PTK2: variants seen among roughly 807,000 people sequenced by gnomAD.
PTK2 encodes protein tyrosine kinase 2.
A neutral mutation model predicts 150.1 loss-of-function variants in PTK2; 45 were observed. The ratio of observed to expected loss-of-function variants is 0.30; its 90% CI spans 0.24 to 0.38. The LOEUF (loss-of-function observed/expected upper bound fraction) is 0.38, where lower values mean the gene tolerates loss of function less well. Among genes scored for constraint, PTK2 ranks in the 10% least tolerant of loss-of-function variants. PTK2 has a pLI of 1.00. For missense variants in PTK2, 919 were observed against 1,307.3 expected (o/e 0.70, Z 4.58); for synonymous variants, 432 against 449.2 (o/e 0.96, Z 0.48).
chr8:141,000,703 T>A (rs2100199833), intron 1 of PTK2, among the ~76,000 whole-genome samples: 1 of 88,840 alleles, frequency 1.1e-5, no homozygotes, highest in Admixed American at 1.3e-4. Flanking sequence ...TCTCCCGGAC[T>A]CCCCACGTCC....
At chr8:140,820,202 C>T (rs576539644) in intron 8 of PTK2, among the ~76,000 whole-genome samples, 5 of 146,432 alleles carry the variant, frequency 3.4e-5, no homozygotes, top group African/African-American at 7.5e-5. Context: ...CAGGCTCAAG[C>T]GATTCTCCTG....
chr8:140,978,250 C>T (rs760958202), intron 1 of PTK2, among the ~76,000 whole-genome samples: 72 of 152,284 alleles, frequency 4.7e-4, no homozygotes, highest in African/African-American at 1.4e-3. Flanking sequence ...AAAGCCAAAA[C>T]AGACAAATGG....
chr8:140,886,039 A>C (rs1285536144), intron 3 of PTK2, among the ~76,000 whole-genome samples: 4 of 152,164 alleles, frequency 2.6e-5, no homozygotes, highest in Admixed American at 2.6e-4. Context: ...ACTGAAGAAG[A>C]GCTCAAAGAA....
intron 7 of PTK2, among the ~76,000 whole-genome samples, chr8:140,844,977 T>C (rs768563529): frequency 2.6e-5 from 4 of 152,114 alleles, no homozygotes; most frequent in Non-Finnish European, 5.9e-5. Context: ...AGAGACTCCT[T>C]GGGTTCCTCC....
intron 14 of PTK2, chr8:140,764,553 C>G (rs878887658): frequency 2.1e-6 from 1 of 484,330 alleles, no homozygotes; most frequent in Non-Finnish European, 3.6e-6. Context: ...AAAAACAGAA[C>G]GACATGAAAC....
intron 1 of PTK2, among the ~76,000 whole-genome samples, chr8:140,933,186 T>C (rs1293120965): frequency 2.8e-4 from 9 of 32,098 alleles, no homozygotes; most frequent in Non-Finnish European, 5.5e-4. Context: ...CTAACAACAG[T>C]AATGAAAAAA....
chr8:140,790,106 C>T (rs2100087610), intron 13 of PTK2, among the ~76,000 whole-genome samples: 2 of 152,048 alleles, frequency 1.3e-5, no homozygotes, highest in South Asian at 4.1e-4. Flanking sequence ...AAAATTTTGG[C>T]CAAAAGTCTT....
intron 1 of PTK2, among the ~76,000 whole-genome samples, chr8:140,947,183 A>G (rs1254283424): frequency 6.6e-6 from 1 of 151,986 alleles, no homozygotes; most frequent in Non-Finnish European, 1.5e-5. Context: ...CCCTATTTCA[A>G]ACCTCCTCCA....
In PTK2 at chr8:140,870,533, AC is replaced by A. The variant is rs371917692; in HGVS notation, c.363-6135del. 3.9e-3 allele frequency among the ~76,000 whole-genome samples: 592 copies of A among 152,350 alleles called. 4 individuals are homozygous for A. The highest frequency in any genetic ancestry group is 0.013 in the African/African-American group (540 of 41,586). On this transcript the variant is annotated intron_variant, in intron 4 of 31. Transcript: ENST00000522684. ...TAAGAATTAACTTAGTAAAGATGACACAAAGGCTTTGCAGAGAAGACATCAG... is the reference window on the plus strand; with the variant it reads ...TAAGAATTAACTTAGTAAAGATGACAAAAGGCTTTGCAGAGAAGACATCAG...
At chr8:140,853,155 GTC>G (rs1440256968) in intron 5 of PTK2, among the ~76,000 whole-genome samples, 1 of 151,546 alleles carries the variant, frequency 6.6e-6, no homozygotes, top group Non-Finnish European at 1.5e-5. Context: ...TCAGGCCAGA[GTC>G]TCTGCTTGGC....
chr8:140,773,667 T>C (rs1183908920), intron 14 of PTK2, among the ~76,000 whole-genome samples: 1 of 152,098 alleles, frequency 6.6e-6, no homozygotes, highest in East Asian at 1.9e-4. Flanking sequence ...GAGGTGGCAC[T>C]GAGATGCACT....
At chr8:140,969,097 T>C (rs1003012539) in intron 1 of PTK2, among the ~76,000 whole-genome samples, 53 of 152,216 alleles carry the variant, frequency 3.5e-4, no homozygotes, top group African/African-American at 1.1e-3. Flanking sequence ...CAGAAGCTAT[T>C]TGAGGACTCT....
intron 8 of PTK2, among the ~76,000 whole-genome samples, chr8:140,819,621 A>G: frequency 6.6e-6 from 1 of 152,230 alleles, no homozygotes. Flanking sequence ...TGGAGAACTA[A>G]TCTACTGGCA....
intron 21 of PTK2, among the ~76,000 whole-genome samples, chr8:140,736,261 T>C (rs1237679123): frequency 6.6e-6 from 1 of 152,232 alleles, no homozygotes; most frequent in Non-Finnish European, 1.5e-5. Flanking sequence ...CAAAGTGCAT[T>C]AATGCAGAAA....
chr8:140,804,593 A>G (rs2100097250), intron 10 of PTK2, among the ~76,000 whole-genome samples: 1 of 152,204 alleles, frequency 6.6e-6, no homozygotes, highest in Non-Finnish European at 1.5e-5. Flanking sequence ...GCATCTCATG[A>G]GGATGATCAT....
chr8:140,752,127 G>T, intron 17 of PTK2, 105 bp downstream of exon 20: 1 of 938,090 alleles, frequency 1.1e-6, no homozygotes, highest in Non-Finnish European at 1.7e-6. Flanking sequence ...AAACATAGTT[G>T]TCTCCTAAAA....
intron 1 of PTK2, among the ~76,000 whole-genome samples, chr8:140,995,284 G>A (rs2100197202): frequency 6.7e-6 from 1 of 149,184 alleles, no homozygotes; most frequent in Non-Finnish European, 1.5e-5. Context: ...TCCAGAGGCT[G>A]ACGCAGGCGA....
chr8:140,688,069 T>C (rs540412426), intron 26 of PTK2, among the ~76,000 whole-genome samples: 1 of 152,324 alleles, frequency 6.6e-6, no homozygotes, highest in East Asian at 1.9e-4. Flanking sequence ...GTGAAACTTG[T>C]GTGTTGTCCC....
intron 2 of PTK2, among the ~76,000 whole-genome samples, chr8:140,913,274 A>C (rs1345489767): frequency 6.6e-6 from 1 of 151,042 alleles, no homozygotes; most frequent in Non-Finnish European, 1.5e-5. Flanking sequence ...TCTATATACT[A>C]GGCCAAGAAT....
Sources: allele counts gnomAD v4.1 joint callset (sites outside exome capture counted in the v4.1 genomes callset), GRCh38; gene constraint gnomAD v4.1.1; transcripts MANE v1.5; gene names NCBI Gene and HGNC (gene_info 2026-07-23, HGNC 2026-07-21).